EML1: variants seen among roughly 807,000 people sequenced by gnomAD.
The protein encoded by EML1 is echinoderm microtubule-associated protein-like 1.
EML1 carries 27 observed loss-of-function variants against 110.4 expected under a neutral mutation model. The ratio of observed to expected loss-of-function variants is 0.24; its 90% CI spans 0.18 to 0.34. The LOEUF is 0.34. Ranked by LOEUF, EML1 falls within the 10% of genes least tolerant of loss-of-function variation. The probability of loss-of-function intolerance (pLI) is 1.00; values close to 1 mark genes in which losing one functional copy is unlikely to be tolerated. For missense variants in EML1, 741 were observed against 1,030.9 expected, an observed-to-expected ratio of 0.72 and a Z score of 3.85; for synonymous variants, 344 against 385.8, an observed-to-expected ratio of 0.89 and a Z score of 1.27.
chr14:99,937,018 T>A (rs1274125585), intron 19 of EML1, among the ~76,000 whole-genome samples: 1 of 152,190 alleles, frequency 6.6e-6, no homozygotes, highest in Admixed American at 6.5e-5. Flanking sequence ...CTGCGTCTTC[T>A]CAGATGACCT....
chr14:99,879,406 G>A (rs1446747366), intron 4 of EML1, among the ~76,000 whole-genome samples: 20 of 151,968 alleles, frequency 1.3e-4, no homozygotes. Flanking sequence ...TAAAGCTGAG[G>A]AAGGAATTTC....
intron 1 of EML1, among the ~76,000 whole-genome samples, chr14:99,811,065 G>A (rs901381318): frequency 1.0e-4 from 15 of 149,058 alleles, no homozygotes; most frequent in African/African-American, 3.2e-4. Flanking sequence ...GGTTCTCCCC[G>A]TCTCTTATGA....
intron 17 of EML1, among the ~76,000 whole-genome samples, chr14:99,932,933 TAGTG>T (rs2060398989): frequency 6.6e-6 from 1 of 151,994 alleles, no homozygotes; most frequent in African/African-American, 2.4e-5. Flanking sequence ...TTGGGCAACA[TAGTG>T]AGACCCCCGT....
intron 9 of EML1, among the ~76,000 whole-genome samples, chr14:99,906,345 C>G (rs1270549020): frequency 6.6e-6 from 1 of 152,180 alleles, no homozygotes; most frequent in Non-Finnish European, 1.5e-5. Context: ...GACAGAGCAG[C>G]CCCGAGGGCT....
chr14:99,851,616 T>C (rs544144840), intron 2 of EML1, among the ~76,000 whole-genome samples: 1 of 152,168 alleles, frequency 6.6e-6, no homozygotes, highest in African/African-American at 2.4e-5. Context: ...CGAGAACAGT[T>C]CTTTATCAGG....
intron 1 of EML1, among the ~76,000 whole-genome samples, chr14:99,739,119 AGT>A (rs71113220): frequency 0.082 from 10,989 of 134,728 alleles, 419 homozygotes; most frequent in East Asian, 0.17. Flanking sequence ...AGAGAGAGAG[AGT>A]GTGTGTGTGT....
At position 99,809,089 on chromosome 14, in the gene EML1, C is replaced by T. The variant is rs140456168; in HGVS notation, c.67+15546C>T. ...TATTTGTTGTCTTCATGTTAGCATC[C>T]GTGTTGACCTGGTAATCTATACCTT... On this transcript the variant is annotated intron_variant, in intron 1 of 21. Transcript: ENST00000262233. Among the ~76,000 whole-genome samples, 45 of 152,202 alleles carry T rather than the reference C, an allele frequency of 3.0e-4. No individual in the cohort carries two copies. The East Asian group carries it at 4.6e-3, about 16-fold the overall frequency.
chr14:99,772,081 G>T (rs147946004), upstream of EML1, among the ~76,000 whole-genome samples: 4 of 152,214 alleles, frequency 2.6e-5, no homozygotes, highest in Non-Finnish European at 5.9e-5. Context: ...TGAGTGGAGT[G>T]ATTTCGGATT....
chr14:99,820,693 G>A (rs2058246862), intron 1 of EML1, among the ~76,000 whole-genome samples: 1 of 152,118 alleles, frequency 6.6e-6, no homozygotes, highest in Non-Finnish European at 1.5e-5. Flanking sequence ...AGGATCCAGG[G>A]GCAGGTTCCA....
chr14:99,882,189 A>T (rs539486384), intron 4 of EML1, among the ~76,000 whole-genome samples: 1 of 152,356 alleles, frequency 6.6e-6, no homozygotes, highest in East Asian at 1.9e-4. Context: ...ATCATGAAAT[A>T]CTACATTTAA....
intron 15 of EML1, chr14:99,914,972 C>G (rs191795699): frequency 2.2e-6 from 1 of 454,456 alleles, no homozygotes; most frequent in Admixed American, 4.2e-5. Context: ...TGAGTACAGT[C>G]TCTCAACCAT....
At chr14:99,891,030 A>G (rs1264239031) in intron 4 of EML1, among the ~76,000 whole-genome samples, 169 bp from the exon 5 acceptor site, 1 of 152,168 alleles carries the variant, frequency 6.6e-6, no homozygotes. Context: ...ATGATTGTTT[A>G]TGTGTGTTCC....
intron 1 of EML1, among the ~76,000 whole-genome samples, chr14:99,755,421 A>G (rs907760271): frequency 3.9e-5 from 6 of 152,142 alleles, no homozygotes; most frequent in Non-Finnish European, 7.4e-5. Flanking sequence ...GTCCTTGGGC[A>G]AGTCACTTGA....
intron 1 of EML1, among the ~76,000 whole-genome samples, chr14:99,745,305 A>T (rs1161800575): frequency 6.6e-6 from 1 of 152,176 alleles, no homozygotes; most frequent in African/African-American, 2.4e-5. Context: ...ACCTCAAATT[A>T]TCCGCCTGCT....
At chr14:99,911,294 A>C in intron 12 of EML1, 128 bp from the exon 13 acceptor site, 1 of 1,110,920 alleles carries the variant, frequency 9.0e-7, no homozygotes, top group Non-Finnish European at 1.3e-6. Flanking sequence ...GATCCTTCAT[A>C]GATTCATATT....
chr14:99,791,699 G>A (rs978211521), upstream of EML1, among the ~76,000 whole-genome samples: 16 of 152,158 alleles, frequency 1.1e-4, no homozygotes, highest in Non-Finnish European at 2.2e-4. Flanking sequence ...GCAACAGGCC[G>A]CGGCCCCTGC....
At chr14:99,737,852 C>T in exon 1 of EML1, 4 of 1,289,276 alleles carry the variant, frequency 3.1e-6, no homozygotes, top group Non-Finnish European at 4.0e-6. Flanking sequence ...GGCGAGGGCC[C>T]CTCCGCCGGT....
At chr14:99,788,536 G>T (rs1233132435), upstream of EML1, among the ~76,000 whole-genome samples, 1 of 152,126 alleles carries the variant, frequency 6.6e-6, no homozygotes, top group Admixed American at 6.5e-5. Flanking sequence ...TTGAGCCCAG[G>T]AGTTGGAGGC....
intron 1 of EML1, among the ~76,000 whole-genome samples, chr14:99,785,493 C>T (rs964151616): frequency 2.0e-5 from 3 of 152,186 alleles, no homozygotes; most frequent in African/African-American, 7.2e-5. Flanking sequence ...ATTCTCCAGG[C>T]CTCAGTAAGC....
Sources: gnomAD v4.1 joint callset for allele counts (sites outside exome capture counted in the v4.1 genomes callset) on GRCh38, gnomAD v4.1.1 for gene constraint, MANE v1.5 for transcripts, NCBI Gene and HGNC (gene_info 2026-07-23, HGNC 2026-07-21) for gene names.